Variants in B4GALT5 observed in about 807,000 individuals in gnomAD.
B4GALT5 encodes the protein beta-1,4-galactosyltransferase 5, also known as UDP-Gal:beta-GlcNAc beta-1,4-galactosyltransferase 5.
Under a neutral mutation model 45.0 loss-of-function variants are expected in B4GALT5, and 11 were observed. The ratio of observed to expected loss-of-function variants is 0.24; its 90% confidence interval spans 0.15 to 0.40. The LOEUF (loss-of-function observed/expected upper bound fraction) is 0.40, where lower values mean the gene tolerates loss of function less well. Among genes scored for constraint, B4GALT5 ranks in the 10% least tolerant of loss-of-function variants. B4GALT5 has a pLI of 1.00. For synonymous variants in B4GALT5, 185 were observed against 182.9 expected, an observed-to-expected ratio of 1.01 and a Z score of -0.09; for missense variants, 337 against 500.2, an observed-to-expected ratio of 0.67 and a Z score of 3.11.
chr20:49,638,722 T>TAA (rs796812415), intron 7 of B4GALT5, among the ~76,000 whole-genome samples: 5 of 145,454 alleles, frequency 3.4e-5, no homozygotes, highest in African/African-American at 1.0e-4. Flanking sequence ...GGACAGAGCT[T>TAA]AAAAAAAAAA....
rs566270944 is a variant in B4GALT5, at chr20:49,660,558, AT to A, written c.116-3857del. On this transcript the variant is annotated intron_variant, in intron 1 of 8. Transcript: ENST00000371711. ...AAACAGCAGTCACATCCTATTACTA[AT>A]TCATATCAAGCTTGCTAGAAGCAAA... Among the ~76,000 whole-genome samples the A allele has an allele frequency of 2.0e-5, 3 of 152,310 alleles. No individual in the cohort carries two copies. In the East Asian group the frequency reaches 5.8e-4, roughly 29 times the overall value.
At position 49,694,748 on chromosome 20, in the gene B4GALT5, T is replaced by C. The variant is rs865896210; in HGVS notation, c.115+18828A>G. On this transcript the variant is annotated intron_variant, in intron 1 of 8. Transcript: ENST00000371711. ...CAACTGATAACACCTGGGAACAATATGCGCATAACCTGAACTCTGCCTTTG... is the reference window on the plus strand; with the variant it reads ...CAACTGATAACACCTGGGAACAATACGCGCATAACCTGAACTCTGCCTTTG... Among the ~76,000 whole-genome samples, 4 of 152,194 alleles carry C rather than the reference T, an allele frequency of 2.6e-5. No individual in the cohort carries two copies. The Middle Eastern group carries it at 0.01, about 388-fold the overall frequency.
At chr20:49,659,401 C>T (rs6019958) in intron 1 of B4GALT5, among the ~76,000 whole-genome samples, 1 of 152,172 alleles carries the variant, frequency 6.6e-6, no homozygotes, top group African/African-American at 2.4e-5. Flanking sequence ...CAGTCTCCCC[C>T]CTTCTCCAGT....
intron 1 of B4GALT5, among the ~76,000 whole-genome samples, chr20:49,692,963 T>C (rs373275919): frequency 6.6e-6 from 1 of 152,108 alleles, no homozygotes; most frequent in African/African-American, 2.4e-5. Flanking sequence ...GTATTTTTAC[T>C]ATACCTTTTC....
chr20:49,653,378 A>C (rs1601251692), intron 2 of B4GALT5, among the ~76,000 whole-genome samples: 1 of 152,240 alleles, frequency 6.6e-6, no homozygotes, highest in East Asian at 1.9e-4. Context: ...CCTCCTTAGA[A>C]ACATGCTACA....
chr20:49,675,584 T>C (rs2085733856), intron 1 of B4GALT5, among the ~76,000 whole-genome samples: 1 of 152,058 alleles, frequency 6.6e-6, no homozygotes, highest in Non-Finnish European at 1.5e-5. Flanking sequence ...CAGAACCTAT[T>C]ATGAGCAATG....
intron 2 of B4GALT5, among the ~76,000 whole-genome samples, chr20:49,648,485 T>C (rs1406465123): frequency 6.6e-6 from 1 of 152,182 alleles, no homozygotes; most frequent in Non-Finnish European, 1.5e-5. Context: ...CCCATATTGC[T>C]AGTTCCTGAG....
chr20:49,684,484 A>T (rs2085777327), intron 1 of B4GALT5: 1 of 491,230 alleles, frequency 2.0e-6, no homozygotes, highest in Non-Finnish European at 4.0e-6. Flanking sequence ...AATGGTGTGA[A>T]CCCAGGAGGC....
intron 1 of B4GALT5, among the ~76,000 whole-genome samples, chr20:49,659,772 T>C (rs1041855659): frequency 6.6e-6 from 1 of 152,028 alleles, no homozygotes; most frequent in African/African-American, 2.4e-5. Context: ...CCTACTTTGG[T>C]TGGGTACAAA....
intron 1 of B4GALT5, 95 bp from the exon 2 acceptor site, chr20:49,656,797 C>T (rs1462795989): frequency 2.7e-6 from 4 of 1,499,698 alleles, no homozygotes; most frequent in Admixed American, 2.0e-5. Context: ...TCTTTTTGGA[C>T]TTTTAAAGCC....
At chr20:49,678,938 T>G (rs574355923) in intron 1 of B4GALT5, among the ~76,000 whole-genome samples, 3 of 152,136 alleles carry the variant, frequency 2.0e-5, no homozygotes, top group Non-Finnish European at 4.4e-5. Flanking sequence ...CAAAGCAAAG[T>G]TCCCTCCATT....
At chr20:49,643,210 G>A (rs1482065665) in intron 4 of B4GALT5, among the ~76,000 whole-genome samples, 2 of 152,218 alleles carry the variant, frequency 1.3e-5, no homozygotes, top group African/African-American at 4.8e-5. Context: ...TGGAGAACAG[G>A]AATGAAGCAC....
intron 3 of B4GALT5, among the ~76,000 whole-genome samples, chr20:49,646,557 G>A (rs1482849868): frequency 6.6e-6 from 1 of 152,130 alleles, no homozygotes; most frequent in Non-Finnish European, 1.5e-5. Flanking sequence ...ATACAGCCTA[G>A]GGGTGTCGCA....
chr20:49,652,544 G>C (rs2085626777), intron 2 of B4GALT5, among the ~76,000 whole-genome samples: 1 of 151,680 alleles, frequency 6.6e-6, no homozygotes, highest in Non-Finnish European at 1.5e-5. Context: ...CACCGAGAAA[G>C]AGGTGAAGAT....
chr20:49,712,783 T>C (rs1294466897), intron 1 of B4GALT5, among the ~76,000 whole-genome samples: 3 of 110,678 alleles, frequency 2.7e-5, no homozygotes, highest in East Asian at 5.9e-4. Flanking sequence ...TGGCTGAAAG[T>C]CTGGGGGGCT....
At chr20:49,707,839 C>T (rs187400373) in intron 1 of B4GALT5, among the ~76,000 whole-genome samples, 2 of 151,610 alleles carry the variant, frequency 1.3e-5, no homozygotes, top group Admixed American at 1.3e-4. Flanking sequence ...GTCTTGAACT[C>T]CTGGACACAA....
chr20:49,639,915 T>C lies in B4GALT5; in HGVS notation c.795-115A>G, dbSNP rs146620075. The C allele has an allele frequency of 2.9e-4, 393 of 1,372,042 alleles. 6 individuals carry two copies. The Middle Eastern group carries it at 4.2e-3, about 15-fold the overall frequency. The allele number at this position is 1,372,042 out of a possible 1,614,324, so 85.0% of individuals were successfully genotyped here. A position where few individuals can be genotyped will look rare whatever the true frequency, so the allele number is the denominator to read the frequency against. ...CTCTCTGTGCTCCTGACCTGAACCA[T>C]ATGAATGTATCAAATTAGCAAAATT... On this transcript the variant is annotated intron_variant, in intron 6 of 8. Coordinates refer to ENST00000371711, the MANE Select transcript of B4GALT5 (RefSeq NM_004776.4).
intron 1 of B4GALT5, among the ~76,000 whole-genome samples, chr20:49,689,670 C>A (rs1402246783): frequency 6.6e-6 from 1 of 152,168 alleles, no homozygotes; most frequent in African/African-American, 2.4e-5. Flanking sequence ...CTAAACACTT[C>A]AACATGCATG....
At chr20:49,677,691 C>T (rs2085744417) in intron 1 of B4GALT5, among the ~76,000 whole-genome samples, 1 of 152,074 alleles carries the variant, frequency 6.6e-6, no homozygotes, top group African/African-American at 2.4e-5. Flanking sequence ...GATCGTACTC[C>T]CCCAAAATTA....
Sources: gnomAD v4.1 joint callset for allele counts (sites outside exome capture counted in the v4.1 genomes callset) on GRCh38, gnomAD v4.1.1 for gene constraint, MANE v1.5 for transcripts, NCBI Gene and HGNC (gene_info 2026-07-23, HGNC 2026-07-21) for gene names.